BTBD9: variants seen among roughly 807,000 people sequenced by gnomAD.
BTBD9 encodes BTB/POZ domain-containing protein 9.
In BTBD9, 49 loss-of-function variants were observed where a neutral mutation model predicts 64.3. That is an observed-to-expected ratio of 0.76 (90% CI 0.61 to 0.97). BTBD9 has a LOEUF of 0.97. Ranked by LOEUF, BTBD9 falls within the 50% of genes least tolerant of loss-of-function variation. BTBD9 has a pLI of 0.00. For synonymous variants in BTBD9, 260 were observed against 274.7 expected (o/e 0.95, Z 0.53); for missense variants, 598 against 762.1 (o/e 0.78, Z 2.53).
chr6:38,244,677 A>G (rs559900766), intron 9 of BTBD9, among the ~76,000 whole-genome samples: 1 of 152,322 alleles, frequency 6.6e-6, no homozygotes, highest in South Asian at 2.1e-4. Flanking sequence ...ATGGACTTCC[A>G]GCCAGTAACC....
chr6:38,589,373 T>C (rs775074821), intron 4 of BTBD9, among the ~76,000 whole-genome samples: 20 of 152,172 alleles, frequency 1.3e-4, no homozygotes, highest in Non-Finnish European at 2.8e-4. Flanking sequence ...ATTATCCCTA[T>C]AATGAATCCA....
intron 6 of BTBD9, among the ~76,000 whole-genome samples, chr6:38,399,712 C>T (rs1766840818): frequency 6.6e-6 from 1 of 151,964 alleles, no homozygotes; most frequent in Non-Finnish European, 1.5e-5. Context: ...CTAGGAGTAG[C>T]CATCTGACTA....
chr6:38,269,778 A>G (rs1765137245), intron 8 of BTBD9, among the ~76,000 whole-genome samples: 1 of 152,160 alleles, frequency 6.6e-6, no homozygotes, highest in South Asian at 2.1e-4. Context: ...TGGTTGAGGG[A>G]ACATCAGACA....
chr6:38,296,402 A>G (rs529734755), intron 7 of BTBD9, among the ~76,000 whole-genome samples: 4 of 152,230 alleles, frequency 2.6e-5, no homozygotes, highest in African/African-American at 9.6e-5. Context: ...TAAAGAACCA[A>G]CATTGGGTTT....
At chr6:38,454,676 T>C (rs536175397) in intron 6 of BTBD9, among the ~76,000 whole-genome samples, 21 of 151,594 alleles carry the variant, frequency 1.4e-4, no homozygotes, top group Non-Finnish European at 2.8e-4. Flanking sequence ...TGTGTGCCTG[T>C]TGTCCTAGCT....
chr6:38,411,121 G>A (rs1767407949), intron 6 of BTBD9, among the ~76,000 whole-genome samples: 1 of 152,016 alleles, frequency 6.6e-6, no homozygotes, highest in African/African-American at 2.4e-5. Flanking sequence ...TTCTTGGAGA[G>A]GAAGACAAGA....
chr6:38,477,707 T>A (rs1770951772), intron 6 of BTBD9, among the ~76,000 whole-genome samples: 1 of 152,236 alleles, frequency 6.6e-6, no homozygotes, highest in Non-Finnish European at 1.5e-5. Context: ...TCAATGCTGA[T>A]TATAGTTAAG....
At chr6:38,245,379 G>C (rs754985146) in intron 9 of BTBD9, among the ~76,000 whole-genome samples, 1 of 152,140 alleles carries the variant, frequency 6.6e-6, no homozygotes, top group African/African-American at 2.4e-5. Flanking sequence ...AAGTGGGGGT[G>C]GTTAATGAGA....
intron 6 of BTBD9, among the ~76,000 whole-genome samples, chr6:38,384,824 C>T (rs1766084948): frequency 6.6e-6 from 1 of 152,088 alleles, no homozygotes; most frequent in Non-Finnish European, 1.5e-5. Context: ...AATATACTTG[C>T]TCTGTATCAG....
At chr6:38,378,115 G>A (rs753753118) in intron 6 of BTBD9, among the ~76,000 whole-genome samples, 2 of 152,064 alleles carry the variant, frequency 1.3e-5, no homozygotes, top group African/African-American at 4.8e-5. Context: ...CGACTCTCGG[G>A]GAACCCTCCC....
chr6:38,533,972 A>G lies in BTBD9; in HGVS notation c.1154+43628T>C, dbSNP rs114921937. On this transcript the variant is annotated intron_variant, in intron 6 of 10. Transcript: ENST00000481247. Reference sequence around the variant, plus strand: ...TAAACAACCTAATGATGCATCTTAAAGAATTAAAAAAGAGCAAATCAAACC... The same window carrying G: ...TAAACAACCTAATGATGCATCTTAAGGAATTAAAAAAGAGCAAATCAAACC... Among the ~76,000 whole-genome samples the G allele has an allele frequency of 5.4e-3, 818 of 152,226 alleles. 3 individuals are homozygous for G. Among genetic ancestry groups the G allele is most frequent in the African/African-American group, 0.018 (758 of 41,578 alleles).
At chr6:38,598,438 A>G (rs921194092) in intron 1 of BTBD9, among the ~76,000 whole-genome samples, 3 of 152,196 alleles carry the variant, frequency 2.0e-5, no homozygotes, top group African/African-American at 7.2e-5. Flanking sequence ...TAGGAAAAGA[A>G]AAATCAACAA....
intron 6 of BTBD9, among the ~76,000 whole-genome samples, chr6:38,516,286 T>C (rs932996309): frequency 6.8e-6 from 1 of 146,366 alleles, no homozygotes; most frequent in East Asian, 2.0e-4. Flanking sequence ...TCCATGAATT[T>C]AAAAAAAAAA....
At chr6:38,324,951 C>T (rs1228918562) in intron 7 of BTBD9, among the ~76,000 whole-genome samples, 1 of 152,120 alleles carries the variant, frequency 6.6e-6, no homozygotes, top group Non-Finnish European at 1.5e-5. Context: ...AAAATAATGG[C>T]ACCTACCTTG....
chr6:38,308,599 T>G (rs1236960274), intron 7 of BTBD9, among the ~76,000 whole-genome samples: 3 of 151,866 alleles, frequency 2.0e-5, no homozygotes, highest in Non-Finnish European at 4.4e-5. Context: ...ATCAACAGAG[T>G]TTTGTTTTGT....
intron 6 of BTBD9, among the ~76,000 whole-genome samples, chr6:38,356,460 T>C (rs568612989): frequency 2.0e-4 from 31 of 152,308 alleles, no homozygotes; most frequent in African/African-American, 7.5e-4. Context: ...CTATGATGCC[T>C]CCTGAGTTTT....
At chr6:38,501,905 AT>A (rs1772219207) in intron 6 of BTBD9, among the ~76,000 whole-genome samples, 1 of 152,174 alleles carries the variant, frequency 6.6e-6, no homozygotes, top group African/African-American at 2.4e-5. Context: ...TTACTGTTGT[AT>A]TTTTAAGACA....
chr6:38,270,594 T>C (rs1765166365), intron 8 of BTBD9, among the ~76,000 whole-genome samples: 1 of 152,174 alleles, frequency 6.6e-6, no homozygotes, highest in South Asian at 2.1e-4. Context: ...GAAATATCCC[T>C]GAGGTAACCT....
intron 9 of BTBD9, among the ~76,000 whole-genome samples, chr6:38,230,176 C>G (rs926629249): frequency 6.6e-6 from 1 of 152,124 alleles, no homozygotes; most frequent in African/African-American, 2.4e-5. Context: ...GTTCTCCACA[C>G]AGCAACCAGA....
Sources: allele counts gnomAD v4.1 joint callset (sites outside exome capture counted in the v4.1 genomes callset), GRCh38; gene constraint gnomAD v4.1.1; transcripts MANE v1.5; gene names NCBI Gene and HGNC (gene_info 2026-07-23, HGNC 2026-07-21).